Variants in MFRP observed in about 807,000 individuals in gnomAD.
MFRP encodes membrane frizzled-related protein, also known as C1q and TNF related 5.
MFRP carries 74 observed loss-of-function variants against 65.8 expected under a neutral mutation model. The observed-to-expected ratio is 1.12, with a 90% CI of 0.93 to 1.36. The LOEUF (loss-of-function observed/expected upper bound fraction) is 1.36. MFRP is among the 40% of genes most tolerant of loss of function. The probability of loss-of-function intolerance (pLI) is 0.00; values close to 1 mark genes in which losing one functional copy is unlikely to be tolerated. For missense variants in MFRP, 838 were observed against 736.0 expected (o/e 1.14, Z -1.60); for synonymous variants, 336 against 288.3 (o/e 1.17, Z -1.68).
At chr11:119,344,191 C>T (rs991766822) in intron 8 of MFRP, 124 bp downstream of exon 8, 3 of 1,047,812 alleles carry the variant, frequency 2.9e-6, no homozygotes, top group Non-Finnish European at 4.5e-6. Context: ...CATCCCCCGT[C>T]TGCTTGATCT....
In MFRP at chr11:119,346,529, A is replaced by G. The variant is rs750692889; in HGVS notation, c.-16T>C. 6 of 1,613,850 alleles carry G rather than the reference A, an allele frequency of 3.7e-6. No homozygotes were observed. The highest frequency in any genetic ancestry group is 2.7e-5 in the African/African-American group (2 of 75,006). ...AGTCCTTCATGGCACAAGGCTCTGCATGGCTTTCTGGAGTCCCTGTGACAG... is the reference window on the plus strand; with the variant it reads ...AGTCCTTCATGGCACAAGGCTCTGCGTGGCTTTCTGGAGTCCCTGTGACAG... On this transcript the variant is annotated 5_prime_UTR_variant, in exon 1 of 15. It removes an upstream start codon present in the reference 5' UTR. Coordinates refer to ENST00000619721, the MANE Select transcript of MFRP (RefSeq NM_031433.4).
rs1438449517 is a variant in MFRP, at chr11:119,341,858, T to C, written c.1514A>G (p.Lys505Arg). Residue 505 changes from lysine (K) to arginine (R), a missense_variant and splice_region_variant, in exon 12 of 15, where the codon AAG becomes AGG. Lys to Arg is a conservative substitution (Grantham distance 26). Coordinates refer to ENST00000619721, the MANE Select transcript of MFRP (RefSeq NM_031433.4). ...CCTCCTTCCCTCCACCCAGAAGACC[T>C]TGTAACCGCTGAGGACCTCTACCAC... is the stretch of plus-strand genomic sequence containing the variant. ...EEVVEVLSGY[K>R]SLTSLPCYQH... 1 of 1,607,340 alleles carries C rather than the reference T, an allele frequency of 6.2e-7. No individual in the cohort carries two copies. The highest frequency in any genetic ancestry group is 8.5e-7 in the Non-Finnish European group (1 of 1,175,060).
At position 119,339,487 on chromosome 11, in the gene MFRP, C is replaced by A. The variant is rs151230738; in HGVS notation, c.*1472G>T. ...GCTCCAGCCTCACCATGGCCCCCCC[C>A]GAGAGCGAGGCTGGCTTGGGCCACC... On this transcript the variant is annotated 3_prime_UTR_variant, in exon 15 of 15. Transcript: ENST00000619721. This position sits in a 1 kb window ranked among gnomAD's most constrained non-coding sequence, Gnocchi z 5.4. 13 of 1,614,016 alleles carry A rather than the reference C, an allele frequency of 8.1e-6. No homozygotes were observed. Among genetic ancestry groups the A allele is most frequent in the Non-Finnish European group, 1.0e-5 (12 of 1,180,018 alleles).
In MFRP at chr11:119,341,866, G is replaced by A. The variant is rs773497972; in HGVS notation, c.1506C>T (p.Ser502=). The change falls in exon 12 of 15, where the codon AGC becomes AGT. Residue 502 remains serine, a synonymous_variant. Transcript: ENST00000619721. The part of the protein sequence containing the change: ...ITQEEVVEVL[S]GYKSLTSLPC... ...CCTCCACCCAGAAGACCTTGTAACC[G>A]CTGAGGACCTCTACCACCTCCTCCT... The A allele has an allele frequency of 1.3e-5, 21 of 1,606,356 alleles. No homozygotes were observed. Among genetic ancestry groups the A allele is most frequent in the Admixed American group, 1.7e-5 (1 of 59,854 alleles).
Position 119,341,407 on chromosome 11 carries a change from G to C in MFRP, c.*141C>G. The C allele has an allele frequency of 1.4e-6, 1 of 691,564 alleles. No individual in the cohort carries two copies. The highest frequency in any genetic ancestry group is 1.8e-5 in the African/African-American group (1 of 55,966). The allele number at this position is 691,564 out of a possible 1,614,324, so 42.8% of individuals were successfully genotyped here. On this transcript the variant is annotated 3_prime_UTR_variant, in exon 13 of 15. Coordinates refer to ENST00000619721, the MANE Select transcript of MFRP (RefSeq NM_031433.4). ...GTAGGGTCCCATGAGCCCCAGCTGA[G>C]GACTTCTCTTCCCCCTCCCTGGGAG...
In MFRP at chr11:119,340,901, G is replaced by A. The variant is rs1194460197; in HGVS notation, c.*647C>T. On this transcript the variant is annotated 3_prime_UTR_variant, in exon 13 of 15. Transcript: ENST00000619721. Reference sequence around the variant, plus strand: ...AGTTGTTCAGGGGCCAAGAGCTCCCGGACCGGGAAATAGCTGGGAAATAAC... The same window carrying A: ...AGTTGTTCAGGGGCCAAGAGCTCCCAGACCGGGAAATAGCTGGGAAATAAC... 1 of 169,218 alleles carries A rather than the reference G, an allele frequency of 5.9e-6. No individual in the cohort carries two copies. Among genetic ancestry groups the A allele is most frequent in the Non-Finnish European group, 1.3e-5 (1 of 79,722 alleles). The allele number at this position is 169,218 out of a possible 1,614,324, so 10.5% of individuals were successfully genotyped here. A position where few individuals can be genotyped will look rare whatever the true frequency, so the allele number is the denominator to read the frequency against.
rs746892085 is a variant in MFRP at position 119,341,579 on chromosome 11, G to A, written c.1709C>T (p.Ala570Val). ...WPFNCNRLPE[A>V]ADLEACAQP The stretch of plus-strand genomic sequence containing the variant: ...CTGGGCACAAGCTTCCAGGTCAGCT[G>A]CCTCTGGCAGCCTGTTGCAGTTGAA... The change falls in exon 13 of 15, where the codon GCA (alanine) becomes GTA (valine). Residue 570 changes from alanine (A) to valine (V), a missense_variant. Transcript: ENST00000619721. The A allele has an allele frequency of 6.2e-6, 10 of 1,612,728 alleles. No individual in the cohort carries two copies. The highest frequency in any genetic ancestry group is 1.3e-5 in the African/African-American group (1 of 74,950).
Position 119,345,829 on chromosome 11 carries a change from G to A in MFRP, c.371C>T (p.Ala124Val), listed in dbSNP as rs142584359. The A allele has an allele frequency of 5.3e-5, 86 of 1,613,976 alleles. No individual in the cohort carries two copies. The highest frequency in any genetic ancestry group is 6.9e-5 in the Non-Finnish European group (82 of 1,180,002). ...TTTPTITTSQ[A>V]AGTPKGQQES... ...CTGCTGCCCTTTAGGGGTCCCAGCT[G>A]CCTGAGAGGTGGTGATGGTGGGGGT... The change falls in exon 4 of 15, where the codon GCA (alanine) becomes GTA (valine). Residue 124 changes from alanine (A) to valine (V), a missense_variant. Physicochemically the swap from Ala to Val is moderately conservative, Grantham distance 64. Coordinates refer to ENST00000619721, the MANE Select transcript of MFRP (RefSeq NM_031433.4).
Position 119,346,297 on chromosome 11 carries a change from G to A in MFRP, c.132C>T (p.Ser44=), listed in dbSNP as rs564709781. 1.9e-6 allele frequency: 3 copies of A among 1,613,800 alleles called. No homozygotes were observed. Among genetic ancestry groups the A allele is most frequent in the South Asian group, 2.2e-5 (2 of 91,056 alleles). The change falls in exon 2 of 15, where the codon AGC becomes AGT. Residue 44 remains serine, a synonymous_variant. Transcript: ENST00000619721. Reference sequence around the variant, plus strand: ...CATGCCAGGGAGCTGGGACGCTGTAGCTGGCATCCTCTGGGAAAACTGGGG... The same window carrying A: ...CATGCCAGGGAGCTGGGACGCTGTAACTGGCATCCTCTGGGAAAACTGGGG... ...CPPPVFPEDA[S]YSVPAPWHGR...
At chr11:119,344,229 C>T (rs1950534147) in intron 8 of MFRP, 86 bp downstream of exon 8, 1 of 1,295,770 alleles carries the variant, frequency 7.7e-7, no homozygotes, top group South Asian at 1.2e-5. Context: ...AAGGTAGTGT[C>T]TACCATGCCA....
rs768762152 is a variant in MFRP at position 119,341,581 on chromosome 11, C to A, written c.1707G>T (p.Glu569Asp). The part of the protein sequence containing the change: ...PWPFNCNRLP[E>D]AADLEACAQP ...GGGCACAAGCTTCCAGGTCAGCTGC[C>A]TCTGGCAGCCTGTTGCAGTTGAAGG... is the stretch of plus-strand genomic sequence containing the variant. The change falls in exon 13 of 15, where the codon GAG becomes GAT. Residue 569 changes from glutamate (E) to aspartate (D), a missense_variant. Transcript: ENST00000619721. 3.1e-6 allele frequency: 5 copies of A among 1,612,892 alleles called. No individual in the cohort carries two copies. The highest frequency in any genetic ancestry group is 1.7e-5 in the Admixed American group (1 of 60,032).
Position 119,339,161 on chromosome 11 carries a change from C to T in MFRP, c.*1798G>A. 2.7e-6 allele frequency: 2 copies of T among 730,892 alleles called. No individual in the cohort carries two copies. The highest frequency in any genetic ancestry group is 4.4e-6 in the Non-Finnish European group (2 of 455,268). 45.3% of individuals were successfully genotyped at this position (730,892 alleles called of 1,614,324 possible). A position where few individuals can be genotyped will look rare whatever the true frequency, so the allele number is the denominator to read the frequency against. Reference sequence around the variant, plus strand: ...TGCCCCATGCTGCCAGACCTGATCGCAGACAGCCACTGTTCCCATTCCTTG... The same window carrying T: ...TGCCCCATGCTGCCAGACCTGATCGTAGACAGCCACTGTTCCCATTCCTTG... On this transcript the variant is annotated 3_prime_UTR_variant, in exon 15 of 15. Coordinates refer to ENST00000619721, the MANE Select transcript of MFRP (RefSeq NM_031433.4). The surrounding 1 kb of genome is among the most constrained non-coding windows in gnomAD (Gnocchi z 5.4).
Position 119,345,424 on chromosome 11 carries a change from G to A in MFRP, c.637C>T (p.Leu213Phe). 2 of 1,613,886 alleles carry A rather than the reference G, an allele frequency of 1.2e-6. No homozygotes were observed. The highest frequency in any genetic ancestry group is 1.7e-6 in the Non-Finnish European group (2 of 1,179,968). ...ELSPEPEGPLLRVCGRVPPPT... is the reference protein window; with the variant it reads ...ELSPEPEGPLFRVCGRVPPPT... Reference sequence around the variant, plus strand: ...CCTGGGGACAGAGGGACCTACCTGAGGAGGGGGCCTTCAGGCTCAGGGGAG... The same window carrying A: ...CCTGGGGACAGAGGGACCTACCTGAAGAGGGGGCCTTCAGGCTCAGGGGAG... Residue 213 changes from leucine (L) to phenylalanine (F), a missense_variant, in exon 5 of 15, where the codon CTC becomes TTC. Transcript: ENST00000619721.
chr11:119,339,182 C>G lies in MFRP; in HGVS notation c.*1777G>C. On this transcript the variant is annotated 3_prime_UTR_variant, in exon 15 of 15. Transcript: ENST00000619721. This position sits in a 1 kb window ranked among gnomAD's most constrained non-coding sequence, Gnocchi z 5.4. The stretch of plus-strand genomic sequence containing the variant: ...ATCGCAGACAGCCACTGTTCCCATT[C>G]CTTGCCAGCAGCAGGACGGAGAGTG... 1.1e-6 allele frequency: 1 copy of G among 877,206 alleles called. No homozygotes were observed. The highest frequency in any genetic ancestry group is 1.7e-6 in the Non-Finnish European group (1 of 584,032). 54.3% of individuals were successfully genotyped at this position (877,206 alleles called of 1,614,324 possible).
intron 9 of MFRP, 94 bp downstream of exon 9, chr11:119,343,722 A>G (rs1440881996): frequency 2.0e-6 from 3 of 1,507,452 alleles, no homozygotes; most frequent in Non-Finnish European, 2.8e-6. Context: ...AAGAAAATGA[A>G]GCTGGAGAAT....
chr11:119,339,782 G>A lies in MFRP; in HGVS notation c.*1177C>T, dbSNP rs1439540548. On this transcript the variant is annotated 3_prime_UTR_variant, in exon 15 of 15. Coordinates refer to ENST00000619721, the MANE Select transcript of MFRP (RefSeq NM_031433.4). This position sits in a 1 kb window ranked among gnomAD's most constrained non-coding sequence, Gnocchi z 5.4. ...CGGAGGCACCGAGCACTCCCCGGCA[G>A]GCCCGGTGGGCCCCGCGGGTCCCGC... 1 of 1,521,154 alleles carries A rather than the reference G, an allele frequency of 6.6e-7. No individual in the cohort carries two copies. 94.2% of individuals were successfully genotyped at this position (1,521,154 alleles called of 1,614,324 possible).
intron 14 of MFRP, 85 bp downstream of exon 14, chr11:119,340,099 A>G: frequency 7.1e-7 from 1 of 1,409,264 alleles, no homozygotes; most frequent in Non-Finnish European, 9.3e-7. Flanking sequence ...CTGGCGGGAG[A>G]CCCGAGTCCC....
At position 119,346,311 on chromosome 11, in the gene MFRP, G is replaced by A; in HGVS notation, c.118C>T (p.Pro40Ser). 3 of 1,613,980 alleles carry A rather than the reference G, an allele frequency of 1.9e-6. No homozygotes were observed. The highest frequency in any genetic ancestry group is 1.7e-6 in the Non-Finnish European group (2 of 1,179,986). ...SGPPCPPPVF[P>S]EDASYSVPAP... Reference sequence around the variant, plus strand: ...GGGACGCTGTAGCTGGCATCCTCTGGGAAAACTGGGGGAGGGCAGGGTGGC... The same window carrying A: ...GGGACGCTGTAGCTGGCATCCTCTGAGAAAACTGGGGGAGGGCAGGGTGGC... The change falls in exon 2 of 15, where the codon CCA becomes TCA. Residue 40 changes from proline (P) to serine (S), a missense_variant. Pro to Ser is a moderately conservative substitution (Grantham distance 74). Transcript: ENST00000619721.
chr11:119,341,383 T>C lies in MFRP; in HGVS notation c.*165A>G. On this transcript the variant is annotated 3_prime_UTR_variant, in exon 13 of 15. Coordinates refer to ENST00000619721, the MANE Select transcript of MFRP (RefSeq NM_031433.4). Reference sequence around the variant, plus strand: ...GGACAGGAAGGAGCAGGGAGGGTGGTAGGGTCCCATGAGCCCCAGCTGAGG... The same window carrying C: ...GGACAGGAAGGAGCAGGGAGGGTGGCAGGGTCCCATGAGCCCCAGCTGAGG... 1 of 626,414 alleles carries C rather than the reference T, an allele frequency of 1.6e-6. No homozygotes were observed. Among genetic ancestry groups the C allele is most frequent in the East Asian group, 2.7e-5 (1 of 36,602 alleles). 38.8% of individuals were successfully genotyped at this position (626,414 alleles called of 1,614,324 possible). A position where few individuals can be genotyped will look rare whatever the true frequency, so the allele number is the denominator to read the frequency against.
Sources: allele counts gnomAD v4.1 joint callset, GRCh38; gene constraint gnomAD v4.1.1; non-coding constraint Gnocchi (gnomAD v3.1); transcripts MANE v1.5; gene names NCBI Gene and HGNC (gene_info 2026-07-23, HGNC 2026-07-21).